The following FLT3 variants were observed in gnomAD, a reference collection of about 807,000 sequenced individuals.
FLT3 encodes the protein fms related receptor tyrosine kinase 3.
In FLT3, 46 loss-of-function variants were observed where a neutral mutation model predicts 126.6. The ratio of observed to expected loss-of-function variants is 0.36; its 90% CI spans 0.29 to 0.46. The LOEUF (loss-of-function observed/expected upper bound fraction) is 0.46, where lower values mean the gene tolerates loss of function less well. Ranked by LOEUF, FLT3 falls within the 20% of genes least tolerant of loss-of-function variation. The pLI is 1.00. For synonymous variants in FLT3, 404 were observed against 434.4 expected (o/e 0.93, Z 0.87); for missense variants, 1,069 against 1,190.3 (o/e 0.90, Z 1.50).
intron 19 of FLT3, among the ~76,000 whole-genome samples, chr13:28,019,205 G>A (rs1872166181): frequency 6.6e-6 from 1 of 152,250 alleles, no homozygotes; most frequent in African/African-American, 2.4e-5. Context: ...GACCTCAGGT[G>A]ATCCACCCAC....
chr13:28,051,246 C>CTT (rs201198776), intron 5 of FLT3, among the ~76,000 whole-genome samples: 27,649 of 150,980 alleles, frequency 0.18, 2,590 homozygotes, highest in Middle Eastern at 0.28. Context: ...CCTTTCTTTT[C>CTT]TTTTTTTTTA....
At chr13:28,006,739 T>C (rs1310552804) in intron 23 of FLT3, among the ~76,000 whole-genome samples, 1 of 150,760 alleles carries the variant, frequency 6.6e-6, no homozygotes, top group Non-Finnish European at 1.5e-5. Context: ...TTTTTTTTTT[T>C]TTTTTTTGTT....
Position 28,023,350 on chromosome 13 carries a change from C to A in FLT3, c.2418G>T (p.Ser806=), listed in dbSNP as rs1315880647. The A allele has an allele frequency of 6.2e-7, 1 of 1,610,784 alleles. No homozygotes were observed. Among genetic ancestry groups the A allele is most frequent in the East Asian group, 2.2e-5 (1 of 44,848 alleles). The change falls in exon 19 of 24, where the codon TCG becomes TCT. Residue 806 remains serine, a splice_region_variant and synonymous_variant. Coordinates refer to ENST00000241453, the MANE Select transcript of FLT3 (RefSeq NM_004119.3). ...AKGMEFLEFK[S]CVHRDLAARN... is the part of the protein sequence containing the mutation. ...TGTTTTTTCTTTAAAAGGAGCATAC[C>A]GACTTAAATTCCAGAAATTCCATTC...
chr13:28,016,473 G>A (rs1871872033), intron 20 of FLT3, among the ~76,000 whole-genome samples: 1 of 152,042 alleles, frequency 6.6e-6, no homozygotes, highest in Admixed American at 6.6e-5. Flanking sequence ...ATTTCACCAT[G>A]TTGGCCAGGC....
intron 1 of FLT3, among the ~76,000 whole-genome samples, chr13:28,086,830 A>AC (rs1425082685): frequency 6.6e-6 from 1 of 152,060 alleles, no homozygotes; most frequent in Non-Finnish European, 1.5e-5. Context: ...TATTTTTAGT[A>AC]CAGATGGGGT....
chr13:28,040,647 G>A (rs891420367), intron 9 of FLT3, among the ~76,000 whole-genome samples: 1 of 152,174 alleles, frequency 6.6e-6, no homozygotes, highest in African/African-American at 2.4e-5. Flanking sequence ...TTCTGACTGT[G>A]TATTGTGAAC....
chr13:28,058,890 C>T (rs1029448914), intron 3 of FLT3, among the ~76,000 whole-genome samples: 7 of 152,174 alleles, frequency 4.6e-5, no homozygotes, highest in Non-Finnish European at 7.3e-5. Context: ...CGTCTGCAGT[C>T]GCAGAAGTTT....
At chr13:28,032,619 CACA>C (rs1465420308) in intron 15 of FLT3, among the ~76,000 whole-genome samples, 45 of 151,904 alleles carry the variant, frequency 3.0e-4, no homozygotes. Context: ...CAAAATCAGC[CACA>C]ACAACAAAAG....
At chr13:28,085,343 C>CAAAA (rs59478584) in intron 1 of FLT3, among the ~76,000 whole-genome samples, 21 of 82,266 alleles carry the variant, frequency 2.6e-4, no homozygotes, top group African/African-American at 9.8e-4. Flanking sequence ...GACTCCATCT[C>CAAAA]AAAAAAAAAA....
At chr13:28,056,158 C>G (rs1875982718) in intron 4 of FLT3, among the ~76,000 whole-genome samples, 1 of 152,134 alleles carries the variant, frequency 6.6e-6, no homozygotes, top group Non-Finnish European at 1.5e-5. Flanking sequence ...AAGACCCACA[C>G]ATTCTCACAC....
intron 9 of FLT3, among the ~76,000 whole-genome samples, chr13:28,040,956 C>A (rs1391216280): frequency 6.4e-5 from 9 of 141,026 alleles, no homozygotes; most frequent in Non-Finnish European, 1.4e-4. Flanking sequence ...AGAGCAAGAC[C>A]CGGACTCAAA....
At chr13:28,022,863 T>C (rs1339467003) in intron 19 of FLT3, among the ~76,000 whole-genome samples, 1 of 152,172 alleles carries the variant, frequency 6.6e-6, no homozygotes, top group Non-Finnish European at 1.5e-5. Flanking sequence ...CGAATGGATC[T>C]GGGGTTAGCA....
chr13:28,058,321 C>T (rs538468166), intron 3 of FLT3, among the ~76,000 whole-genome samples: 4 of 151,616 alleles, frequency 2.6e-5, no homozygotes, highest in Non-Finnish European at 4.4e-5. Context: ...TCAAGACCAG[C>T]CTGACCAACA....
Position 28,014,505 on chromosome 13 carries a change from A to C in FLT3, c.2806T>G (p.Phe936Val). ...CCTAAAAACGAAGTCAAATTAGGGA[A>C]GGATGGCCGTTTCCTTGAGTCAAAA... ...WAFDSRKRPS[F>V]PNLTSFLGCQ... Residue 936 changes from phenylalanine to valine, a missense_variant, in exon 23 of 24, where the codon TTC (phenylalanine) becomes GTC (valine). By Grantham distance (50) the Phe-to-Val change is conservative (BLOSUM62 -1). Transcript: ENST00000241453. 6.2e-7 allele frequency: 1 copy of C among 1,614,150 alleles called. No homozygotes were observed. Among genetic ancestry groups the C allele is most frequent in the Non-Finnish European group, 8.5e-7 (1 of 1,179,962 alleles).
chr13:28,025,698 T>A (rs1291596642), intron 17 of FLT3, among the ~76,000 whole-genome samples: 4 of 152,178 alleles, frequency 2.6e-5, no homozygotes, highest in African/African-American at 7.2e-5. Flanking sequence ...CACATCGGAC[T>A]CAGTAGGATA....
chr13:28,048,223 A>T, intron 9 of FLT3, 52 bp downstream of exon 9: 1 of 1,460,492 alleles, frequency 6.8e-7, no homozygotes, highest in Non-Finnish European at 9.4e-7. Context: ...AAGGGCGACA[A>T]GCAAGGAGAA....
At chr13:28,075,775 G>C (rs1877887295) in intron 1 of FLT3, among the ~76,000 whole-genome samples, 1 of 147,210 alleles carries the variant, frequency 6.8e-6, no homozygotes, top group African/African-American at 2.5e-5. Flanking sequence ...TTCATGTTGA[G>C]ACATCTAAAA....
chr13:28,075,748 C>G (rs1877885510), intron 1 of FLT3, among the ~76,000 whole-genome samples: 1 of 150,484 alleles, frequency 6.6e-6, no homozygotes, highest in African/African-American at 2.4e-5. Flanking sequence ...GGATGCATCA[C>G]TTCATGTATT....
At chr13:28,009,977 C>T (rs1871222488) in intron 23 of FLT3, among the ~76,000 whole-genome samples, 1 of 152,102 alleles carries the variant, frequency 6.6e-6, no homozygotes, top group Admixed American at 6.6e-5. Flanking sequence ...GTATGTGCCC[C>T]CTTTTATCAG....
Sources: gnomAD v4.1 joint callset for allele counts (sites outside exome capture counted in the v4.1 genomes callset) on GRCh38, gnomAD v4.1.1 for gene constraint, MANE v1.5 for transcripts, NCBI Gene and HGNC (gene_info 2026-07-23, HGNC 2026-07-21) for gene names.